TASP1: variants seen among roughly 807,000 people sequenced by gnomAD.
TASP1 encodes the protein taspase 1, also known as threonine aspartase 1.
Under a neutral mutation model 56.6 loss-of-function variants are expected in TASP1, and 16 were observed. The observed-to-expected ratio is 0.28, with a 90% CI of 0.19 to 0.43. The LOEUF (loss-of-function observed/expected upper bound fraction) is 0.43. Ranked by LOEUF, TASP1 falls within the 20% of genes least tolerant of loss-of-function variation. The pLI, the probability that TASP1 is intolerant of heterozygous loss-of-function variation, is 1.00. For synonymous variants in TASP1, 179 were observed against 184.2 expected, an observed-to-expected ratio of 0.97 and a Z score of 0.23; for missense variants, 393 against 511.6, an observed-to-expected ratio of 0.77 and a Z score of 2.24.
chr20:13,519,607 T>G (rs2044663399), intron 10 of TASP1, among the ~76,000 whole-genome samples: 2 of 152,150 alleles, frequency 1.3e-5, no homozygotes, highest in Non-Finnish European at 2.9e-5. Context: ...AATTAGGTAC[T>G]GATGGGAAGT....
At chr20:13,139,148 C>T in the TASP1 span, among the ~76,000 whole-genome samples, 1 of 152,134 alleles carries the variant, frequency 6.6e-6, no homozygotes, top group African/African-American at 2.4e-5. Context: ...GGATGTTTTT[C>T]AATCAAGAAA....
intron 8 of TASP1, among the ~76,000 whole-genome samples, chr20:13,550,046 G>T (rs1200780557): frequency 6.6e-6 from 1 of 151,756 alleles, no homozygotes; most frequent in African/African-American, 2.4e-5. Flanking sequence ...GTATAGCTTG[G>T]TGTGGATTTA....
chr20:13,369,781 C>T, the TASP1 span, among the ~76,000 whole-genome samples: 2 of 152,144 alleles, frequency 1.3e-5, no homozygotes, highest in Non-Finnish European at 2.9e-5. Flanking sequence ...TCAACAGGAT[C>T]AAGTCAACTA....
chr20:13,433,344 A>C (rs1171295136), intron 12 of TASP1, among the ~76,000 whole-genome samples: 1 of 152,098 alleles, frequency 6.6e-6, no homozygotes, highest in African/African-American at 2.4e-5. Context: ...TTTAAAACCA[A>C]CCAGGTTGGG....
chr20:13,332,204 G>A, the TASP1 span, among the ~76,000 whole-genome samples: 1 of 152,076 alleles, frequency 6.6e-6, no homozygotes, highest in Admixed American at 6.6e-5. Flanking sequence ...TGTCTATTAA[G>A]ATCCATACAT....
the TASP1 span, among the ~76,000 whole-genome samples, chr20:13,357,160 A>G: frequency 6.8e-6 from 1 of 147,724 alleles, no homozygotes; most frequent in South Asian, 2.1e-4. Context: ...AAATGCTATA[A>G]AGGAAGAGTA....
chr20:13,456,195 T>C (rs1184631387), intron 11 of TASP1, among the ~76,000 whole-genome samples: 1 of 152,096 alleles, frequency 6.6e-6, no homozygotes, highest in Non-Finnish European at 1.5e-5. Flanking sequence ...AACAGTTTTT[T>C]GGGGATGCTA....
chr20:13,540,013 T>C (rs2045563939), intron 8 of TASP1, among the ~76,000 whole-genome samples: 1 of 152,188 alleles, frequency 6.6e-6, no homozygotes, highest in Admixed American at 6.5e-5. Context: ...GTAAATACTA[T>C]CACAAAAGTA....
rs896547181 is a variant in TASP1 at position 13,390,305 on chromosome 20, C to T, written c.*55G>A. On this transcript the variant is annotated 3_prime_UTR_variant, in exon 14 of 14. Transcript: ENST00000337743. ...AACAACCAACTTCAGTTAAAAACCC[C>T]CAAAAGCTCAGGTTCTGAAATGCCT... The T allele has an allele frequency of 5.9e-6, 9 of 1,529,632 alleles. No homozygotes were observed. The highest frequency in any genetic ancestry group is 5.8e-5 in the South Asian group (5 of 86,624). 94.8% of individuals were successfully genotyped at this position (1,529,632 alleles called of 1,614,324 possible). A position where few individuals can be genotyped will look rare whatever the true frequency, so the allele number is the denominator to read the frequency against.
rs186970760 is a variant in TASP1 at position 13,472,441 on chromosome 20, A to G, written c.985+10786T>C. On this transcript the variant is annotated intron_variant, in intron 11 of 13. Coordinates refer to ENST00000337743, the MANE Select transcript of TASP1 (RefSeq NM_017714.3). Reference sequence around the variant, plus strand: ...AGGCGTGGGCAAAGACTTCATGACTAAAACACCAAAAGCAATCGCAACAAA... The same window carrying G: ...AGGCGTGGGCAAAGACTTCATGACTGAAACACCAAAAGCAATCGCAACAAA... Among the ~76,000 whole-genome samples, 835 of 151,200 alleles carry G rather than the reference A, an allele frequency of 5.5e-3. 26 individuals carry two copies. The highest frequency in any genetic ancestry group is 9.5e-3 in the Non-Finnish European group (646 of 67,848).
chr20:13,443,382 C>A (rs1192457841), intron 11 of TASP1, among the ~76,000 whole-genome samples: 1 of 152,198 alleles, frequency 6.6e-6, no homozygotes, highest in Non-Finnish European at 1.5e-5. Context: ...ACAGAGGGAA[C>A]TGGGGACAAA....
At position 13,402,341 on chromosome 20, in the gene TASP1, C is replaced by T. The variant is rs534973606; in HGVS notation, c.1171-11889G>A. Among the ~76,000 whole-genome samples, 4 of 152,304 alleles carry T rather than the reference C, an allele frequency of 2.6e-5. No individual in the cohort carries two copies. The East Asian group carries it at 5.8e-4, about 22-fold the overall frequency. On this transcript the variant is annotated intron_variant, in intron 13 of 13. Transcript: ENST00000337743. ...TGTTTTTCATACATTCAATCTTCTG[C>T]AGTCTTTTCCTGTTTGTGCAAATGA...
intron 2 of TASP1, 104 bp downstream of exon 2, chr20:13,629,830 A>T: frequency 5.9e-6 from 9 of 1,534,024 alleles, no homozygotes; most frequent in Non-Finnish European, 8.0e-6. Context: ...CCTCTCTGGC[A>T]GTTTTGCCTC....
At chr20:13,324,513 G>A in the TASP1 span, among the ~76,000 whole-genome samples, 1 of 152,122 alleles carries the variant, frequency 6.6e-6, no homozygotes, top group Non-Finnish European at 1.5e-5. Context: ...AAAACTAACA[G>A]GTCTTAATTG....
Position 13,558,277 on chromosome 20 carries a change from C to G in TASP1, c.675+731G>C, listed in dbSNP as rs529205697. Among the ~76,000 whole-genome samples, 11 of 152,192 alleles carry G rather than the reference C, an allele frequency of 7.2e-5. No individual in the cohort carries two copies. The South Asian group carries it at 1.9e-3, about 26-fold the overall frequency. On this transcript the variant is annotated intron_variant, in intron 8 of 13. Transcript: ENST00000337743. ...CATCATGAGCTGTATGCTAAGAAAC[C>G]CCTAAGCCACAGGCTGAGCAAGAAT...
At chr20:13,270,145 T>C in the TASP1 span, among the ~76,000 whole-genome samples, 4 of 152,226 alleles carry the variant, frequency 2.6e-5, no homozygotes, top group African/African-American at 9.6e-5. Context: ...AAAGCCAAGG[T>C]GGTTAATCAG....
chr20:13,237,504 A>T, the TASP1 span, among the ~76,000 whole-genome samples: 4 of 152,198 alleles, frequency 2.6e-5, no homozygotes, highest in Admixed American at 2.6e-4. Flanking sequence ...GTAAAGTTCA[A>T]AACCAGGAAA....
At chr20:13,627,804 G>A (rs770930530) in intron 2 of TASP1, among the ~76,000 whole-genome samples, 1 of 150,958 alleles carries the variant, frequency 6.6e-6, no homozygotes, top group Non-Finnish European at 1.5e-5. Flanking sequence ...TGCACCCTGA[G>A]TCACACAACA....
intron 10 of TASP1, among the ~76,000 whole-genome samples, chr20:13,515,851 T>C (rs2044508418): frequency 6.6e-6 from 1 of 152,202 alleles, no homozygotes; most frequent in East Asian, 1.9e-4. Flanking sequence ...AAATTATCAA[T>C]TTACAAAACT....
Sources: allele counts gnomAD v4.1 joint callset (sites outside exome capture counted in the v4.1 genomes callset), GRCh38; gene constraint gnomAD v4.1.1; transcripts MANE v1.5; gene names NCBI Gene and HGNC (gene_info 2026-07-23, HGNC 2026-07-21).